Variants in C4orf50 observed in about 807,000 individuals in gnomAD.
C4orf50 encodes the protein uncharacterized protein C4orf50.
In C4orf50, 80 loss-of-function variants were observed where a neutral mutation model predicts 77.2. That is an observed-to-expected ratio of 1.04 (90% CI 0.87 to 1.25). C4orf50 has a LOEUF of 1.25. Among genes scored for constraint, C4orf50 ranks in the 50% most tolerant of loss-of-function variants. C4orf50 has a pLI of 0.00. For missense variants in C4orf50, 1,257 were observed against 1,152.9 expected (o/e 1.09, Z -1.31); for synonymous variants, 532 against 465.3 (o/e 1.14, Z -1.84).
chr4:5,909,177 T>A (rs1052877088), intron 7 of C4orf50, among the ~76,000 whole-genome samples: 4 of 152,224 alleles, frequency 2.6e-5, no homozygotes, highest in Admixed American at 6.5e-5. Flanking sequence ...GCCCTGCCTA[T>A]GTCTTTGAGT....
At chr4:5,922,231 G>A (rs983369871) in intron 7 of C4orf50, among the ~76,000 whole-genome samples, 4 of 152,218 alleles carry the variant, frequency 2.6e-5, no homozygotes, top group Admixed American at 6.5e-5. Flanking sequence ...TGCGATGCAC[G>A]TGACAGTGAT....
In C4orf50 at chr4:5,989,154, C is replaced by T. The variant is rs1262974517; in HGVS notation, c.2892G>A (p.Glu964=). 6 of 1,535,712 alleles carry T rather than the reference C, an allele frequency of 3.9e-6. No individual in the cohort carries two copies. In the African/African-American group the frequency reaches 5.5e-5, roughly 14 times the overall value. ...ATATTTTTGTCACCTCTCTCTCTCT[C>T]TCTCTTTCAAGGGCGCACACTCTTT... is the stretch of plus-strand genomic sequence containing the variant. The change falls in exon 28 of 34, where the codon GAG becomes GAA. Residue 964 remains glutamate (E), a synonymous_variant. Transcript: ENST00000531445.
chr4:5,911,843 C>T (rs892722068), intron 7 of C4orf50, among the ~76,000 whole-genome samples: 15 of 152,160 alleles, frequency 9.9e-5, no homozygotes, highest in Non-Finnish European at 1.5e-4. Flanking sequence ...GTCAAGAGAT[C>T]GAGACCATCC....
rs553782369 is a variant in C4orf50 at position 6,007,986 on chromosome 4, C to T, written c.963+10G>A. 6.5e-5 allele frequency: 26 copies of T among 399,092 alleles called. No individual in the cohort carries two copies. Among genetic ancestry groups the T allele is most frequent in the Admixed American group, 3.1e-4 (7 of 22,744 alleles). 24.7% of individuals were successfully genotyped at this position (399,092 alleles called of 1,614,324 possible). ...AAAGATCATTCCTACCCTGAGTTCC[C>T]GCCACTTACCAGGCTGCAGTGACCA... On this transcript the variant is annotated intron_variant, in intron 25 of 33. Coordinates refer to ENST00000531445, the Ensembl canonical transcript of C4orf50. The surrounding 1 kb of genome is among the most constrained non-coding windows in gnomAD (Gnocchi z 4.1).
chr4:5,946,084 C>T (rs1380068638), intron 7 of C4orf50, among the ~76,000 whole-genome samples: 2 of 152,240 alleles, frequency 1.3e-5, no homozygotes, highest in Non-Finnish European at 2.9e-5. Context: ...TCTAGCTCTC[C>T]CAGCCTCCAG....
intron 7 of C4orf50, among the ~76,000 whole-genome samples, chr4:5,925,272 TGTG>T (rs1256630125): frequency 7.1e-6 from 1 of 140,172 alleles, no homozygotes; most frequent in Non-Finnish European, 1.6e-5. Context: ...AGCAAGGAGG[TGTG>T]GTGGGGGGTG....
Position 5,965,885 on chromosome 4 carries a change from G to A in C4orf50, c.4154-740C>T, listed in dbSNP as rs114467003. On this transcript the variant is annotated intron_variant, in intron 32 of 33. Transcript: ENST00000531445. ...TGAACTCATCTAAGACCACACAGCT[G>A]GCAAGAAGAGAATCTAGTAATAAGA... Among the ~76,000 whole-genome samples the A allele has an allele frequency of 8.1e-3, 1,228 of 152,276 alleles. 9 individuals carry two copies. The highest frequency in any genetic ancestry group is 0.012 in the Non-Finnish European group (840 of 68,018).
At chr4:5,952,191 C>T (rs1169766785), downstream of C4orf50, among the ~76,000 whole-genome samples, 2 of 151,904 alleles carry the variant, frequency 1.3e-5, no homozygotes, top group African/African-American at 2.4e-5. The surrounding 1 kb of genome is among the most constrained non-coding windows in gnomAD (Gnocchi z 4.4). Context: ...AGCTGGATCC[C>T]GGGTGGAGGC....
chr4:5,966,153 G>A (rs1421481375), intron 32 of C4orf50, among the ~76,000 whole-genome samples: 1 of 152,208 alleles, frequency 6.6e-6, no homozygotes, highest in African/African-American at 2.4e-5. Context: ...AATTCTGTCT[G>A]GTCAGATAGG....
intron 31 of C4orf50, among the ~76,000 whole-genome samples, 169 bp from the exon 10 acceptor site, chr4:5,967,631 C>T (rs1719659671): frequency 9.0e-6 from 1 of 110,712 alleles, no homozygotes; most frequent in Non-Finnish European, 1.9e-5. Flanking sequence ...CCTCTTCTCT[C>T]CAGGATGCTC....
rs189516527 is a variant in C4orf50 at position 6,007,637 on chromosome 4, C to T, written c.963+359G>A. Among the ~76,000 whole-genome samples the T allele has an allele frequency of 5.3e-5, 8 of 152,170 alleles. No homozygotes were observed. Among genetic ancestry groups the T allele is most frequent in the Admixed American group, 3.3e-4 (5 of 15,290 alleles). ...TAGTAAGTGGGCTCATAAGTGGCTGCGTGGACAAACAGGTGTTAGGATGAA... is the reference window on the plus strand; with the variant it reads ...TAGTAAGTGGGCTCATAAGTGGCTGTGTGGACAAACAGGTGTTAGGATGAA... On this transcript the variant is annotated intron_variant, in intron 25 of 33. Coordinates refer to ENST00000531445, the Ensembl canonical transcript of C4orf50. This position sits in a 1 kb window ranked among gnomAD's most constrained non-coding sequence, Gnocchi z 4.1.
chr4:6,003,316 A>T (rs1240150430), intron 25 of C4orf50, among the ~76,000 whole-genome samples: 1 of 152,242 alleles, frequency 6.6e-6, no homozygotes, highest in Non-Finnish European at 1.5e-5. Context: ...CCTCAGGAAA[A>T]ATAAATAAAA....
downstream of C4orf50, among the ~76,000 whole-genome samples, chr4:5,954,484 G>A (rs941307564): frequency 4.6e-5 from 7 of 152,130 alleles, no homozygotes; most frequent in African/African-American, 1.4e-4. This position sits in a 1 kb window ranked among gnomAD's most constrained non-coding sequence, Gnocchi z 4.7. Context: ...GAGGTGATGT[G>A]TGTTGGGAGG....
At chr4:6,003,921 G>C in intron 25 of C4orf50, among the ~76,000 whole-genome samples, 1 of 42,648 alleles carries the variant, frequency 2.3e-5, no homozygotes, top group Admixed American at 3.0e-4. Context: ...TGATGATGGT[G>C]GTGATGGTGA....
chr4:6,016,703 C>T (rs1306729987), intron 23 of C4orf50, among the ~76,000 whole-genome samples: 4 of 152,098 alleles, frequency 2.6e-5, no homozygotes, highest in African/African-American at 9.7e-5. Flanking sequence ...TTGTATATGA[C>T]TCTCGGAGGG....
At chr4:5,934,893 C>A (rs1343564518) in intron 7 of C4orf50, among the ~76,000 whole-genome samples, 1 of 152,200 alleles carries the variant, frequency 6.6e-6, no homozygotes, top group Non-Finnish European at 1.5e-5. Flanking sequence ...TACACGTGAC[C>A]CTAAACTGCC....
At chr4:5,955,953 G>A (rs899030417), downstream of C4orf50, among the ~76,000 whole-genome samples, 5 of 152,186 alleles carry the variant, frequency 3.3e-5, no homozygotes, top group Non-Finnish European at 5.9e-5. The surrounding 1 kb of genome is among the most constrained non-coding windows in gnomAD (Gnocchi z 5.1). Context: ...CAACTTCAAA[G>A]AGGGCGAGGA....
At chr4:5,994,273 A>G in intron 26 of C4orf50, 74 bp downstream of exon 4, 1 of 398,402 alleles carries the variant, frequency 2.5e-6, no homozygotes, top group Non-Finnish European at 4.4e-6. Flanking sequence ...GGGACATGAT[A>G]AGGAGGAAGT....
intron 7 of C4orf50, among the ~76,000 whole-genome samples, chr4:5,948,303 C>G (rs947730159): frequency 6.6e-6 from 1 of 152,180 alleles, no homozygotes; most frequent in African/African-American, 2.4e-5. Context: ...TATAGGACAC[C>G]TCGAATTCGT....
Sources: gnomAD v4.1 joint callset for allele counts (sites outside exome capture counted in the v4.1 genomes callset) on GRCh38, gnomAD v4.1.1 for gene constraint, Gnocchi (gnomAD v3.1) non-coding constraint, MANE v1.5 for transcripts, NCBI Gene and HGNC (gene_info 2026-07-23, HGNC 2026-07-21) for gene names.